The following AGBL4 variants were observed in gnomAD, a reference collection of about 807,000 sequenced individuals.
AGBL4 encodes the protein cytosolic carboxypeptidase 6.
AGBL4 carries 58 observed loss-of-function variants against 66.4 expected under a neutral mutation model. The observed-to-expected ratio is 0.87, with a 90% CI of 0.71 to 1.09. The LOEUF is 1.09. Ranked by LOEUF, AGBL4 falls within the 50% of genes least tolerant of loss-of-function variation. The pLI, the probability that AGBL4 is intolerant of heterozygous loss-of-function variation, is 0.00. For missense variants in AGBL4, 579 were observed against 631.0 expected (o/e 0.92, Z 0.88); for synonymous variants, 234 against 222.9 (o/e 1.05, Z -0.44).
chr1:49,182,956 T>C (rs750392394), intron 4 of AGBL4, among the ~76,000 whole-genome samples: 2 of 152,160 alleles, frequency 1.3e-5, no homozygotes, highest in Non-Finnish European at 2.9e-5. Context: ...AGAATATAAG[T>C]GCTATGAAGG....
At chr1:49,263,430 A>C (rs756144212) in intron 3 of AGBL4, among the ~76,000 whole-genome samples, 10 of 152,166 alleles carry the variant, frequency 6.6e-5, no homozygotes, top group Non-Finnish European at 1.2e-4. Context: ...ACTATTATAA[A>C]TCAAAATATA....
chr1:49,281,875 A>AGTTATATATGTT (rs1557799260), intron 3 of AGBL4, among the ~76,000 whole-genome samples: 1 of 152,202 alleles, frequency 6.6e-6, no homozygotes, highest in Non-Finnish European at 1.5e-5. Context: ...TTCATGTGGC[A>AGTTATATATGTT]GTTATATATG....
intron 1 of AGBL4, among the ~76,000 whole-genome samples, chr1:49,979,149 A>G (rs1373518573): frequency 6.6e-6 from 1 of 152,234 alleles, no homozygotes; most frequent in Non-Finnish European, 1.5e-5. Context: ...ATTTGTTATA[A>G]AAAGTTAAAA....
chr1:49,956,545 G>C (rs1324988161), intron 1 of AGBL4, among the ~76,000 whole-genome samples: 1 of 151,920 alleles, frequency 6.6e-6, no homozygotes, highest in South Asian at 2.1e-4. Context: ...ACAATGCAAA[G>C]GCAACTTAGT....
At chr1:49,135,981 G>A (rs749982193) in intron 4 of AGBL4, among the ~76,000 whole-genome samples, 9 of 152,062 alleles carry the variant, frequency 5.9e-5, no homozygotes, top group African/African-American at 7.2e-5. Flanking sequence ...GTTTTCTCCT[G>A]TAGGCTTTTC....
intron 1 of AGBL4, among the ~76,000 whole-genome samples, chr1:49,914,952 C>A (rs1651245595): frequency 1.3e-5 from 2 of 152,018 alleles, no homozygotes; most frequent in South Asian, 2.1e-4. Flanking sequence ...CCCTTCATGA[C>A]CTAATCACCT....
chr1:49,791,893 T>C (rs947772851), intron 2 of AGBL4, among the ~76,000 whole-genome samples: 1 of 152,250 alleles, frequency 6.6e-6, no homozygotes, highest in Non-Finnish European at 1.5e-5. Flanking sequence ...TCTTTAAGGG[T>C]AGGAACCACA....
intron 3 of AGBL4, among the ~76,000 whole-genome samples, chr1:49,506,395 T>C (rs933879179): frequency 3.9e-5 from 6 of 152,124 alleles, no homozygotes; most frequent in Admixed American, 1.3e-4. Context: ...TCTTGAATTG[T>C]AGCTCTTGTA....
chr1:49,895,459 T>A (rs1649099079), intron 1 of AGBL4, among the ~76,000 whole-genome samples: 1 of 151,952 alleles, frequency 6.6e-6, no homozygotes, highest in Admixed American at 6.6e-5. Context: ...GACTAAACAA[T>A]GAACCAATCA....
At chr1:49,205,671 T>A (rs1338394309) in intron 4 of AGBL4, among the ~76,000 whole-genome samples, 1 of 152,108 alleles carries the variant, frequency 6.6e-6, no homozygotes, top group African/African-American at 2.4e-5. Context: ...AAGTTCCATG[T>A]CTGAAAAGAA....
intron 3 of AGBL4, among the ~76,000 whole-genome samples, chr1:49,452,290 C>T (rs184911831): frequency 6.6e-6 from 1 of 152,034 alleles, no homozygotes; most frequent in African/African-American, 2.4e-5. Flanking sequence ...CAGTCTTGCC[C>T]TACTCCAATC....
chr1:49,074,038 G>A (rs746868646), intron 4 of AGBL4, among the ~76,000 whole-genome samples: 4 of 152,166 alleles, frequency 2.6e-5, no homozygotes, highest in African/African-American at 4.8e-5. Flanking sequence ...TACACTGTGA[G>A]CATAAAACTG....
intron 1 of AGBL4, among the ~76,000 whole-genome samples, chr1:49,970,649 T>C (rs1657981415): frequency 6.8e-6 from 1 of 146,168 alleles, no homozygotes; most frequent in South Asian, 2.2e-4. Context: ...TGAGTGGAGA[T>C]CGCACCATGG....
At chr1:48,570,588 C>T (rs570481948) in intron 11 of AGBL4, among the ~76,000 whole-genome samples, 27 of 152,226 alleles carry the variant, frequency 1.8e-4, no homozygotes, top group Admixed American at 1.6e-3. Context: ...CTTCATAACG[C>T]TGCCATGAGA....
intron 4 of AGBL4, among the ~76,000 whole-genome samples, chr1:49,081,538 G>T (rs1644808430): frequency 6.6e-6 from 1 of 152,156 alleles, no homozygotes; most frequent in Non-Finnish European, 1.5e-5. Flanking sequence ...CTCAAATAGG[G>T]CTTATAAGAG....
chr1:49,438,445 C>T (rs1211426028), intron 3 of AGBL4, among the ~76,000 whole-genome samples: 1 of 152,102 alleles, frequency 6.6e-6, no homozygotes, highest in African/African-American at 2.4e-5. Flanking sequence ...ACAGTTAGCC[C>T]TTGTATCTTC....
chr1:49,334,935 G>C (rs568888034), intron 3 of AGBL4, among the ~76,000 whole-genome samples: 1 of 152,314 alleles, frequency 6.6e-6, no homozygotes, highest in South Asian at 2.1e-4. Flanking sequence ...GCTAGGGAAG[G>C]CTTGGAGTTC....
chr1:49,242,255 T>C (rs1651294545), intron 4 of AGBL4, among the ~76,000 whole-genome samples: 2 of 152,010 alleles, frequency 1.3e-5, no homozygotes, highest in African/African-American at 4.8e-5. Flanking sequence ...AATAAAAATA[T>C]GTTAAATGGA....
At chr1:48,549,842 TAAGAC>T (rs1557778605) in intron 11 of AGBL4, among the ~76,000 whole-genome samples, 1 of 150,858 alleles carries the variant, frequency 6.6e-6, no homozygotes, top group Non-Finnish European at 1.5e-5. Context: ...AGGCAAAAGA[TAAGAC>T]AGAAAGAGAC....
Sources: gnomAD v4.1 joint callset for allele counts (sites outside exome capture counted in the v4.1 genomes callset) on GRCh38, gnomAD v4.1.1 for gene constraint, MANE v1.5 for transcripts, NCBI Gene and HGNC (gene_info 2026-07-23, HGNC 2026-07-21) for gene names.